MYH1: variants seen among roughly 807,000 people sequenced by gnomAD.
MYH1 encodes myosin-1.
Under a neutral mutation model 225.6 loss-of-function variants are expected in MYH1, and 214 were observed. The ratio of observed to expected loss-of-function variants is 0.95; its 90% CI spans 0.85 to 1.06. The LOEUF (loss-of-function observed/expected upper bound fraction) is 1.06. MYH1 is among the 50% of genes least tolerant of loss of function. The probability of loss-of-function intolerance (pLI) is 0.00; values close to 1 mark genes in which losing one functional copy is unlikely to be tolerated. For synonymous variants in MYH1, 774 were observed against 842.3 expected (o/e 0.92, Z 1.40); for missense variants, 2,098 against 2,344.2 (o/e 0.89, Z 2.17).
Position 10,516,031 on chromosome 17 carries a change from C to G in MYH1, c.400G>C (p.Val134Leu), listed in dbSNP as rs748496920. Reference protein sequence around the residue: ...VTVNPYKWLPVYNAEVVTAYR... With the variant: ...VTVNPYKWLPLYNAEVVTAYR... Reference sequence around the variant, plus strand: ...GCTGTCACCACCTCTGCATTATACACTGGCAACCACTTGTAGGGGTTGACA... The same window carrying G: ...GCTGTCACCACCTCTGCATTATACAGTGGCAACCACTTGTAGGGGTTGACA... Residue 134 changes from valine to leucine, a missense_variant, in exon 5 of 40, where the codon GTG (valine) becomes CTG (leucine). Transcript: ENST00000226207. 3 of 1,614,108 alleles carry G rather than the reference C, an allele frequency of 1.9e-6. No homozygotes were observed. Among genetic ancestry groups the G allele is most frequent in the South Asian group, 2.2e-5 (2 of 91,088 alleles).
Position 10,513,608 on chromosome 17 carries a change from G to A in MYH1, c.805+18C>T. 6.2e-7 allele frequency: 1 copy of A among 1,610,608 alleles called. No homozygotes were observed. The highest frequency in any genetic ancestry group is 8.5e-7 in the Non-Finnish European group (1 of 1,176,830). On this transcript the variant is annotated intron_variant, in intron 9 of 39. Transcript: ENST00000226207. ...ATTTGTCATTCTTGGATTCTATTTA[G>A]GAGGTCCTGTTACTCACATGTTTCA...
At chr17:10,493,277 C>T (rs1459295641) in intron 39 of MYH1, among the ~76,000 whole-genome samples, 3 of 152,102 alleles carry the variant, frequency 2.0e-5, no homozygotes, top group South Asian at 2.1e-4. Flanking sequence ...GCAATTTGTC[C>T]GAGGTATGGA....
At chr17:10,516,414 A>G (rs1183945363) in intron 3 of MYH1, 25 bp downstream of exon 3, 6 of 1,614,084 alleles carry the variant, frequency 3.7e-6, no homozygotes, top group Non-Finnish European at 5.1e-6. Context: ...GCAGAGTCTA[A>G]TCAGCTCCAG....
chr17:10,511,240 A>G (rs1597442124), intron 14 of MYH1, among the ~76,000 whole-genome samples: 1 of 151,878 alleles, frequency 6.6e-6, no homozygotes, highest in South Asian at 2.1e-4. Flanking sequence ...GCTGTGTAGC[A>G]GGTATTCTTC....
intron 24 of MYH1, among the ~76,000 whole-genome samples, chr17:10,502,382 A>C (rs369335888): frequency 6.6e-6 from 1 of 152,198 alleles, no homozygotes; most frequent in Non-Finnish European, 1.5e-5. Flanking sequence ...TGCTGCTGCT[A>C]TGCTGCCTTC....
chr17:10,511,769 A>C, intron 14 of MYH1, 70 bp downstream of exon 14: 1 of 1,610,090 alleles, frequency 6.2e-7, no homozygotes, highest in Non-Finnish European at 8.5e-7. Flanking sequence ...GACTACAGGC[A>C]TGCTATATGA....
At position 10,507,825 on chromosome 17, in the gene MYH1, C is replaced by G; in HGVS notation, c.1968+61G>C. The G allele has an allele frequency of 2.1e-6, 3 of 1,436,200 alleles. No individual in the cohort carries two copies. The South Asian group carries it at 3.6e-5, about 17-fold the overall frequency. The allele number at this position is 1,436,200 out of a possible 1,614,324, so 89.0% of individuals were successfully genotyped here. ...TCCTTGCAAGGTTAGTTTTTTCCCC[C>G]ACACCATAGAGTACATTTAATATCC... On this transcript the variant is annotated intron_variant, in intron 17 of 39. Transcript: ENST00000226207.
intron 22 of MYH1, among the ~76,000 whole-genome samples, chr17:10,504,136 T>C (rs1464421994): frequency 6.6e-6 from 1 of 152,210 alleles, no homozygotes; most frequent in African/African-American, 2.4e-5. Flanking sequence ...TGGCAGCAAT[T>C]GAACTGTCTT....
chr17:10,505,261 CTCCTCTAGGAG>C lies in MYH1; in HGVS notation c.2326_2336del (p.Leu776AspfsTer4), dbSNP rs1430032063. 1 of 1,614,222 alleles carries C rather than the reference CTCCTCTAGGAG, an allele frequency of 6.2e-7. No homozygotes were observed. Among genetic ancestry groups the C allele is most frequent in the East Asian group, 2.2e-5 (1 of 44,884 alleles). Reference sequence around the variant, plus strand: ...GCTGGGCCAGCTTCTCATCTCGCATCTCCTCTAGGAGCCCCAGAAGACCAGCTTTGAAAAAG... The same window carrying C: ...GCTGGGCCAGCTTCTCATCTCGCATCCCCCAGAAGACCAGCTTTGAAAAAG... On this transcript the variant is annotated frameshift_variant, in exon 21 of 40. Coordinates refer to ENST00000226207, the MANE Select transcript of MYH1 (RefSeq NM_005963.4). LOFTEE classifies it high-confidence loss of function.
In MYH1 at chr17:10,512,909, T is replaced by C; in HGVS notation, c.862A>G (p.Ile288Val). The change falls in exon 10 of 40, where the codon ATT becomes GTT. Residue 288 changes from isoleucine (I) to valine (V), a missense_variant. Ile to Val is a conservative substitution (Grantham distance 29, BLOSUM62 3). Coordinates refer to ENST00000226207, the MANE Select transcript of MYH1 (RefSeq NM_005963.4). ...TTGTTAGACATGATCTGATAAAAAATATGATAGCTTCTTTCAGCCTTTAGC... is the reference window on the plus strand; with the variant it reads ...TTGTTAGACATGATCTGATAAAAAACATGATAGCTTCTTTCAGCCTTTAGC... ...FQLKAERSYHIFYQIMSNKKP... is the reference protein window; with the variant it reads ...FQLKAERSYHVFYQIMSNKKP... 1 of 1,613,754 alleles carries C rather than the reference T, an allele frequency of 6.2e-7. No individual in the cohort carries two copies. Among genetic ancestry groups the C allele is most frequent in the Non-Finnish European group, 8.5e-7 (1 of 1,179,718 alleles).
chr17:10,513,369 A>C (rs1444763034), intron 9 of MYH1, among the ~76,000 whole-genome samples: 2 of 152,194 alleles, frequency 1.3e-5, no homozygotes, highest in African/African-American at 2.4e-5. Context: ...TTTCTTAAAA[A>C]AAAAATTGAA....
chr17:10,492,749 A>T (rs763320471), intron 39 of MYH1, among the ~76,000 whole-genome samples, 181 bp from the exon 40 acceptor site: 3 of 151,974 alleles, frequency 2.0e-5, no homozygotes, highest in African/African-American at 7.2e-5. Context: ...TCTTGAACTC[A>T]TAGATAACAA....
Position 10,497,876 on chromosome 17 carries a change from A to G in MYH1, c.4223T>C (p.Val1408Ala). The change falls in exon 31 of 40, where the codon GTA becomes GCA. Residue 1408 changes from valine (V) to alanine (A), a missense_variant. Val to Ala is a moderately conservative substitution (Grantham distance 64). Transcript: ENST00000226207. ...AQRLQDAEEH[V>A]EAVNAKCASL... is the part of the protein sequence containing the mutation. ...AGCACATTTGGCATTCACAGCTTCTACATGTTCCTCAGCATCCTGCAGACG... is the reference window on the plus strand; with the variant it reads ...AGCACATTTGGCATTCACAGCTTCTGCATGTTCCTCAGCATCCTGCAGACG... 6.2e-7 allele frequency: 1 copy of G among 1,612,114 alleles called. No individual in the cohort carries two copies. The highest frequency in any genetic ancestry group is 8.5e-7 in the Non-Finnish European group (1 of 1,179,584).
In MYH1 at chr17:10,494,914, CT is replaced by C. The variant is rs1157341801; in HGVS notation, c.5466+16del. On this transcript the variant is annotated intron_variant, in intron 37 of 39. Transcript: ENST00000226207. ...GATTGGAATGAGATAGAAATACATG[CT>C]GATTAGGAGACCCACCCTGGCCTCC... The C allele has an allele frequency of 6.2e-7, 1 of 1,614,098 alleles. No homozygotes were observed. The highest frequency in any genetic ancestry group is 1.1e-5 in the South Asian group (1 of 91,074).
In MYH1 at chr17:10,502,816, C is replaced by G. The variant is rs1192436444; in HGVS notation, c.3033G>C (p.Leu1011=). ...TGTCCTCCTCTGCCTGCAGGTCATC[C>G]AGGGTCTGCTGGTGGGCCTCCTGGA... is the stretch of plus-strand genomic sequence containing the variant. ...KALQEAHQQT[L]DDLQAEEDKV... The change falls in exon 24 of 40, where the codon CTG becomes CTC. Residue 1011 remains leucine, a synonymous_variant. Coordinates refer to ENST00000226207, the MANE Select transcript of MYH1 (RefSeq NM_005963.4). 18 of 1,613,890 alleles carry G rather than the reference C, an allele frequency of 1.1e-5. No homozygotes were observed. The Admixed American group carries it at 3.0e-4, about 27-fold the overall frequency.
In MYH1 at chr17:10,511,781, T is replaced by C. The variant is rs994879272; in HGVS notation, c.1416+58A>G. 4.3e-6 allele frequency: 7 copies of C among 1,612,792 alleles called. No homozygotes were observed. In the East Asian group the frequency reaches 1.3e-4, roughly 31 times the overall value. ...AGTGACTACAGGCATGCTATATGAC[T>C]GCAGCAACAAGCTTGCTTGTTGGAA... On this transcript the variant is annotated intron_variant, in intron 14 of 39. Coordinates refer to ENST00000226207, the MANE Select transcript of MYH1 (RefSeq NM_005963.4).
intron 35 of MYH1, among the ~76,000 whole-genome samples, chr17:10,495,534 G>T (rs2072980327): frequency 6.6e-6 from 1 of 151,902 alleles, no homozygotes; most frequent in African/African-American, 2.4e-5. Context: ...GGCCGAGGCG[G>T]GTGGATTACG....
intron 19 of MYH1, 62 bp from the exon 20 acceptor site, chr17:10,505,573 G>C (rs1429167292): frequency 2.5e-6 from 4 of 1,583,542 alleles, no homozygotes; most frequent in Non-Finnish European, 3.4e-6. Flanking sequence ...CTTCCTGTCT[G>C]GCTATAGAAA....
intron 15 of MYH1, 148 bp downstream of exon 15, chr17:10,509,337 T>C: frequency 7.9e-7 from 1 of 1,268,488 alleles, no homozygotes. Flanking sequence ...TTTACCAGAA[T>C]ATCTACTTCA....
Sources: allele counts gnomAD v4.1 joint callset (sites outside exome capture counted in the v4.1 genomes callset), GRCh38; gene constraint gnomAD v4.1.1; transcripts MANE v1.5; gene names NCBI Gene and HGNC (gene_info 2026-07-23, HGNC 2026-07-21).